SPHKAP: variants seen among roughly 807,000 people sequenced by gnomAD.
The protein encoded by SPHKAP is A-kinase anchor protein SPHKAP.
Under a neutral mutation model 137.5 loss-of-function variants are expected in SPHKAP, and 67 were observed. The observed-to-expected ratio is 0.49, with a 90% CI of 0.40 to 0.60. The LOEUF (loss-of-function observed/expected upper bound fraction) is 0.60, where lower values mean the gene tolerates loss of function less well. Ranked by LOEUF, SPHKAP falls within the 20% of genes least tolerant of loss-of-function variation. The pLI is 0.00. For synonymous variants in SPHKAP, 813 were observed against 785.3 expected (o/e 1.04, Z -0.59); for missense variants, 2,097 against 2,069.3 (o/e 1.01, Z -0.26).
intron 3 of SPHKAP, among the ~76,000 whole-genome samples, chr2:228,043,375 G>A (rs1360098412): frequency 1.3e-5 from 2 of 152,228 alleles, no homozygotes; most frequent in Non-Finnish European, 2.9e-5. Flanking sequence ...CGCCCAGGCT[G>A]GAGTGCAGTG....
At chr2:228,016,283 T>G in intron 7 of SPHKAP, 123 bp downstream of exon 7, 1 of 1,431,304 alleles carries the variant, frequency 7.0e-7, no homozygotes, top group Non-Finnish European at 9.2e-7. Flanking sequence ...TTTTTTTTTT[T>G]GGTCTTGAAA....
chr2:228,023,917 T>C (rs903165480), intron 5 of SPHKAP, among the ~76,000 whole-genome samples: 10 of 152,152 alleles, frequency 6.6e-5, no homozygotes, highest in Admixed American at 5.9e-4. Flanking sequence ...TAGGATGCAA[T>C]GAGACTTCTG....
intron 3 of SPHKAP, among the ~76,000 whole-genome samples, chr2:228,051,090 C>G (rs1029095743): frequency 6.6e-6 from 1 of 152,158 alleles, no homozygotes; most frequent in African/African-American, 2.4e-5. Flanking sequence ...TAGGTATGAG[C>G]CACTGCACCT....
intron 7 of SPHKAP, among the ~76,000 whole-genome samples, chr2:228,003,376 G>A (rs1340653108): frequency 1.3e-5 from 2 of 152,106 alleles, no homozygotes; most frequent in African/African-American, 2.4e-5. Flanking sequence ...TCTGTTATTG[G>A]TGTATAAGAA....
At chr2:228,088,072 G>C (rs373479575) in intron 3 of SPHKAP, among the ~76,000 whole-genome samples, 1 of 152,166 alleles carries the variant, frequency 6.6e-6, no homozygotes, top group Non-Finnish European at 1.5e-5. Context: ...AAAGAAAGGG[G>C]ATAGAACTGA....
chr2:228,030,183 G>A (rs1695227940), intron 3 of SPHKAP, among the ~76,000 whole-genome samples: 1 of 152,100 alleles, frequency 6.6e-6, no homozygotes, highest in African/African-American at 2.4e-5. Context: ...GGCTTCTTAA[G>A]GCCTGATGTG....
chr2:227,987,245 T>C (rs1013337793), intron 11 of SPHKAP, among the ~76,000 whole-genome samples: 17 of 152,244 alleles, frequency 1.1e-4, no homozygotes, highest in African/African-American at 4.1e-4. Flanking sequence ...CCCACATGAC[T>C]GTTTCATGCC....
At chr2:228,130,191 A>G (rs1427492570) in intron 2 of SPHKAP, among the ~76,000 whole-genome samples, 3 of 152,148 alleles carry the variant, frequency 2.0e-5, no homozygotes, top group Non-Finnish European at 4.4e-5. Context: ...AATAAATGTG[A>G]CCACCTCTTT....
intron 3 of SPHKAP, among the ~76,000 whole-genome samples, chr2:228,072,534 C>T (rs1056609333): frequency 1.3e-5 from 2 of 152,110 alleles, no homozygotes; most frequent in Non-Finnish European, 2.9e-5. Context: ...ACTATTGACA[C>T]GTGTCTATCA....
rs1050251876 is a variant in SPHKAP, at chr2:228,152,815, G to T, written c.33-20730C>A. Among the ~76,000 whole-genome samples, 11 of 151,620 alleles carry T rather than the reference G, an allele frequency of 7.3e-5. No homozygotes were observed. In the East Asian group the frequency reaches 1.8e-3, roughly 24 times the overall value. ...AACATTTTTATCCTCCTCCTGGTAA[G>T]TACAAGGATCTTAGAACATTTTAAC... On this transcript the variant is annotated intron_variant, in intron 1 of 11. Transcript: ENST00000392056.
intron 6 of SPHKAP, 27 bp from the exon 7 acceptor site, chr2:228,020,183 A>G: frequency 3.2e-6 from 5 of 1,548,400 alleles, no homozygotes; most frequent in Non-Finnish European, 4.3e-6. Flanking sequence ...GAGGGGCACT[A>G]TTACTTTTTG....
chr2:228,091,890 C>G (rs1697747835), intron 3 of SPHKAP, among the ~76,000 whole-genome samples: 1 of 151,954 alleles, frequency 6.6e-6, no homozygotes, highest in African/African-American at 2.4e-5. Flanking sequence ...AGTAGAACTA[C>G]CATTTGATCC....
chr2:228,014,089 A>G (rs1694479944), intron 7 of SPHKAP, among the ~76,000 whole-genome samples: 1 of 152,220 alleles, frequency 6.6e-6, no homozygotes, highest in Non-Finnish European at 1.5e-5. Flanking sequence ...TATCAGTGAC[A>G]TTTAATTCAT....
intron 7 of SPHKAP, among the ~76,000 whole-genome samples, chr2:228,013,283 G>T: frequency 6.6e-6 from 1 of 151,902 alleles, no homozygotes. Flanking sequence ...ACAGAGTCTT[G>T]CCCCGTCACC....
In SPHKAP at chr2:228,017,598, T is replaced by G; in HGVS notation, c.3256A>C (p.Ile1086Leu). Residue 1086 changes from isoleucine (I) to leucine (L), a missense_variant, in exon 7 of 12, where the codon ATT (isoleucine) becomes CTT (leucine). Coordinates refer to ENST00000392056, the MANE Select transcript of SPHKAP (RefSeq NM_001142644.2). ...CTGGCCTCGGAGTCTTCCTCAGGAA[T>G]GCTTTCGCAGCTGGAGGCCTTCAGC... ...SRLKASSCES[I>L]PEEDSEARAY... 7 of 1,613,928 alleles carry G rather than the reference T, an allele frequency of 4.3e-6. No homozygotes were observed. Among genetic ancestry groups the G allele is most frequent in the Non-Finnish European group, 5.1e-6 (6 of 1,180,038 alleles).
chr2:228,165,324 G>C (rs977845522), intron 1 of SPHKAP, among the ~76,000 whole-genome samples: 3 of 152,142 alleles, frequency 2.0e-5, no homozygotes, highest in Non-Finnish European at 2.9e-5. Context: ...TCTATGTGCT[G>C]TCTTTTAGAC....
intron 3 of SPHKAP, among the ~76,000 whole-genome samples, chr2:228,056,634 A>G (rs1198937498): frequency 6.6e-6 from 1 of 152,156 alleles, no homozygotes; most frequent in African/African-American, 2.4e-5. Context: ...GACATAATGT[A>G]TGAGCACGAG....
chr2:228,146,737 T>A (rs75639499), intron 1 of SPHKAP, among the ~76,000 whole-genome samples: 7 of 152,384 alleles, frequency 4.6e-5, no homozygotes, highest in Non-Finnish European at 1.0e-4. Flanking sequence ...ACGACCTTGT[T>A]CTTTGTTAAC....
chr2:228,109,065 G>A (rs1033300782), intron 2 of SPHKAP, 126 bp from the exon 3 acceptor site: 2 of 615,652 alleles, frequency 3.2e-6, no homozygotes, highest in Non-Finnish European at 5.1e-6. Context: ...AGAGCTTCTG[G>A]GTGTTAGAAA....
Sources: gnomAD v4.1 joint callset for allele counts (sites outside exome capture counted in the v4.1 genomes callset) on GRCh38, gnomAD v4.1.1 for gene constraint, MANE v1.5 for transcripts, NCBI Gene and HGNC (gene_info 2026-07-23, HGNC 2026-07-21) for gene names.